The following TMEM178B variants were observed in gnomAD, a reference collection of about 807,000 sequenced individuals.
TMEM178B encodes transmembrane protein 178B.
In TMEM178B, 5 loss-of-function variants were observed where a neutral mutation model predicts 31.0. The ratio of observed to expected loss-of-function variants is 0.16; its 90% CI spans 0.08 to 0.34. TMEM178B has a LOEUF of 0.34. Ranked by LOEUF, TMEM178B falls within the 10% of genes least tolerant of loss-of-function variation. TMEM178B has a pLI of 1.00. For synonymous variants in TMEM178B, 164 were observed against 164.0 expected (o/e 1.00, Z 0.00); for missense variants, 275 against 400.3 (o/e 0.69, Z 2.67).
chr7:141,280,915 A>G (rs964749588), intron 2 of TMEM178B, among the ~76,000 whole-genome samples: 2 of 152,154 alleles, frequency 1.3e-5, no homozygotes, highest in Non-Finnish European at 2.9e-5. Context: ...TCTTTCCTTC[A>G]GGCAGTTAAT....
At chr7:141,346,343 C>T (rs1799620762) in intron 2 of TMEM178B, among the ~76,000 whole-genome samples, 1 of 152,042 alleles carries the variant, frequency 6.6e-6, no homozygotes, top group Non-Finnish European at 1.5e-5. Context: ...AAAATAAAGA[C>T]CTAGGTGTAA....
At chr7:141,297,984 G>C (rs1376086438) in intron 2 of TMEM178B, among the ~76,000 whole-genome samples, 1 of 152,200 alleles carries the variant, frequency 6.6e-6, no homozygotes, top group Non-Finnish European at 1.5e-5. Flanking sequence ...CAGTGTAAAA[G>C]TGTTTCTATT....
intron 2 of TMEM178B, among the ~76,000 whole-genome samples, chr7:141,325,394 C>CT (rs1799171882): frequency 6.6e-6 from 1 of 152,018 alleles, no homozygotes; most frequent in Non-Finnish European, 1.5e-5. Context: ...TGATGCTGTG[C>CT]TTTTGTCTGT....
At chr7:141,497,950 G>A in the TMEM178B span, among the ~76,000 whole-genome samples, 127 of 152,166 alleles carry the variant, frequency 8.3e-4, no homozygotes, top group Middle Eastern at 3.4e-3. Context: ...GGGTTCAAGG[G>A]CAAGCTCAGT....
chr7:141,426,985 T>C (rs1199398933), intron 2 of TMEM178B, among the ~76,000 whole-genome samples: 1 of 151,978 alleles, frequency 6.6e-6, no homozygotes, highest in African/African-American at 2.4e-5. Flanking sequence ...ATTTAAACAC[T>C]TAGGAGTAAA....
At position 141,414,605 on chromosome 7, in the gene TMEM178B, C is replaced by T. The variant is rs185256579; in HGVS notation, c.497-23003C>T. 511 of 152,696 alleles carry T rather than the reference C, an allele frequency of 3.3e-3. 3 individuals are homozygous for T. Among genetic ancestry groups the T allele is most frequent in the Non-Finnish European group, 3.5e-3 (238 of 68,024 alleles). The allele number at this position is 152,696 out of a possible 1,614,324, so 9.5% of individuals were successfully genotyped here. A position where few individuals can be genotyped will look rare whatever the true frequency, so the allele number is the denominator to read the frequency against. On this transcript the variant is annotated intron_variant, in intron 2 of 3. Transcript: ENST00000565468. ...AGAGAGTATCTGCAAATGACTTTTCCTTCTCAAACTAATTTGCTAGATAGA... is the reference window on the plus strand; with the variant it reads ...AGAGAGTATCTGCAAATGACTTTTCTTTCTCAAACTAATTTGCTAGATAGA...
intron 2 of TMEM178B, among the ~76,000 whole-genome samples, chr7:141,413,125 C>T (rs376288602): frequency 3.7e-4 from 56 of 152,288 alleles, no homozygotes; most frequent in African/African-American, 1.2e-3. Flanking sequence ...CCCTTCTATG[C>T]GCCACTCACA....
At chr7:141,205,697 G>T (rs923546697) in intron 1 of TMEM178B, among the ~76,000 whole-genome samples, 1 of 152,212 alleles carries the variant, frequency 6.6e-6, no homozygotes, top group African/African-American at 2.4e-5. Flanking sequence ...CTGAACTTAG[G>T]TCCCAGCACT....
rs140708929 is a variant in TMEM178B, at chr7:141,097,730, T to C, written c.382+23038T>C. ...CTTCTTATATAACTTACTCATCATA[T>C]ACTTATTTTTCTCCTTCAACAAATC... On this transcript the variant is annotated intron_variant, in intron 1 of 3. Transcript: ENST00000565468. Among the ~76,000 whole-genome samples the C allele has an allele frequency of 1.2e-3, 186 of 152,164 alleles. 1 individual carries two copies. The highest frequency in any genetic ancestry group is 4.2e-3 in the African/African-American group (175 of 41,548).
At position 141,334,131 on chromosome 7, in the gene TMEM178B, C is replaced by T. The variant is rs1424240260; in HGVS notation, c.497-103477C>T. ...GGTATTTGTTCGTCTTCACTCCACA[C>T]AACCCTGGGATAGAAACCAGTATTG... On this transcript the variant is annotated intron_variant, in intron 2 of 3. Coordinates refer to ENST00000565468, the MANE Select transcript of TMEM178B (RefSeq NM_001195278.2). Among the ~76,000 whole-genome samples the T allele has an allele frequency of 2.0e-5, 3 of 152,246 alleles. No homozygotes were observed. In the East Asian group the frequency reaches 5.8e-4, roughly 29 times the overall value.
chr7:141,299,427 C>T (rs1459339267), intron 2 of TMEM178B, among the ~76,000 whole-genome samples: 1 of 152,154 alleles, frequency 6.6e-6, no homozygotes, highest in Non-Finnish European at 1.5e-5. Context: ...AGCAGGTTCC[C>T]AGAATGTCAC....
chr7:141,452,657 G>T (rs746025661), intron 3 of TMEM178B, among the ~76,000 whole-genome samples: 10 of 152,128 alleles, frequency 6.6e-5, no homozygotes, highest in Non-Finnish European at 1.0e-4. Flanking sequence ...CTCTGAGCCT[G>T]CGTTTTCTCA....
chr7:141,284,038 T>C (rs1193138888), intron 2 of TMEM178B, among the ~76,000 whole-genome samples: 2 of 152,232 alleles, frequency 1.3e-5, no homozygotes, highest in Non-Finnish European at 2.9e-5. Flanking sequence ...GCTGCATGGC[T>C]GTTGCTGCTA....
chr7:141,155,503 C>T (rs1796053927), intron 1 of TMEM178B, among the ~76,000 whole-genome samples: 1 of 152,160 alleles, frequency 6.6e-6, no homozygotes. Context: ...CAAAATGAAG[C>T]TTTTGGTTCT....
intron 1 of TMEM178B, among the ~76,000 whole-genome samples, chr7:141,166,161 G>T (rs184070604): frequency 3.9e-5 from 6 of 152,186 alleles, no homozygotes; most frequent in African/African-American, 1.4e-4. Flanking sequence ...CCTATAGTAG[G>T]TGGGACCCAG....
intron 2 of TMEM178B, among the ~76,000 whole-genome samples, chr7:141,297,467 A>G (rs1798654577): frequency 6.6e-6 from 1 of 152,062 alleles, no homozygotes; most frequent in South Asian, 2.1e-4. Flanking sequence ...TTAACTCGTC[A>G]TTTACATTAG....
chr7:141,108,600 G>A (rs1385030326), intron 1 of TMEM178B, among the ~76,000 whole-genome samples: 1 of 152,166 alleles, frequency 6.6e-6, no homozygotes, highest in Non-Finnish European at 1.5e-5. Context: ...GAGGGGCGAA[G>A]AGGAAGGAAG....
chr7:141,459,122 G>A (rs375095396), intron 3 of TMEM178B, among the ~76,000 whole-genome samples: 21 of 151,986 alleles, frequency 1.4e-4, no homozygotes, highest in South Asian at 4.2e-4. Context: ...CTCCGCCTCC[G>A]GGGTTCAAGC....
chr7:141,314,370 G>C (rs1798965665), intron 2 of TMEM178B, among the ~76,000 whole-genome samples: 1 of 152,118 alleles, frequency 6.6e-6, no homozygotes, highest in Non-Finnish European at 1.5e-5. Context: ...TACTCTTTTG[G>C]GGACAGGACA....
Sources: allele counts gnomAD v4.1 joint callset (sites outside exome capture counted in the v4.1 genomes callset), GRCh38; gene constraint gnomAD v4.1.1; transcripts MANE v1.5; gene names NCBI Gene and HGNC (gene_info 2026-07-23, HGNC 2026-07-21).